The following TRAPPC9 variants were observed in gnomAD, a reference collection of about 807,000 sequenced individuals.
TRAPPC9 encodes the protein trafficking protein particle complex subunit 9.
TRAPPC9 carries 83 observed loss-of-function variants against 124.0 expected under a neutral mutation model. The observed-to-expected ratio is 0.67, with a 90% CI of 0.56 to 0.80. The LOEUF (loss-of-function observed/expected upper bound fraction) is 0.80, where lower values mean the gene tolerates loss of function less well. TRAPPC9 is among the 30% of genes least tolerant of loss of function. The pLI, the probability that TRAPPC9 is intolerant of heterozygous loss-of-function variation, is 0.00. For missense variants in TRAPPC9, 1,302 were observed against 1,508.3 expected (o/e 0.86, Z 2.27); for synonymous variants, 638 against 617.5 (o/e 1.03, Z -0.49).
intron 17 of TRAPPC9, among the ~76,000 whole-genome samples, chr8:140,198,438 AC>A (rs1183681899): frequency 2.6e-5 from 4 of 152,046 alleles, no homozygotes; most frequent in Admixed American, 6.5e-5. Flanking sequence ...AGCTGGTACC[AC>A]CCAGATCGAT....
At chr8:140,368,162 T>C (rs2068176137) in intron 8 of TRAPPC9, among the ~76,000 whole-genome samples, 1 of 152,166 alleles carries the variant, frequency 6.6e-6, no homozygotes, top group African/African-American at 2.4e-5. Flanking sequence ...GTGGAGTTCA[T>C]TTTGAAGCTG....
chr8:139,785,781 C>T lies in TRAPPC9; in HGVS notation c.3056-53579G>A, dbSNP rs534620182. ...CCTTGATCAACTAGACTTAAACATT[C>T]CTGATCTCAAAAGACACTATTAAGA... On this transcript the variant is annotated intron_variant, in intron 21 of 22. Coordinates refer to ENST00000438773, the MANE Select transcript of TRAPPC9 (RefSeq NM_001160372.4). 1.3e-3 allele frequency among the ~76,000 whole-genome samples: 200 copies of T among 151,888 alleles called. 2 individuals are homozygous for T. Among genetic ancestry groups the T allele is most frequent in the Non-Finnish European group, 1.8e-3 (119 of 67,956 alleles).
chr8:139,928,961 C>A (rs1443274686), intron 19 of TRAPPC9, among the ~76,000 whole-genome samples: 1 of 151,956 alleles, frequency 6.6e-6, no homozygotes, highest in African/African-American at 2.4e-5. Flanking sequence ...GCAAGCATCA[C>A]GCCCCTCGAT....
At chr8:140,229,497 C>G (rs1004461796) in intron 16 of TRAPPC9, among the ~76,000 whole-genome samples, 1 of 151,768 alleles carries the variant, frequency 6.6e-6, no homozygotes, top group African/African-American at 2.4e-5. Context: ...AACTCCTGAC[C>G]GACCTCGTGA....
chr8:140,186,625 G>A (rs2062360641), intron 17 of TRAPPC9, among the ~76,000 whole-genome samples: 1 of 151,870 alleles, frequency 6.6e-6, no homozygotes, highest in African/African-American at 2.4e-5. Context: ...TGTAATATAA[G>A]CAATACAATT....
rs901640528 is a variant in TRAPPC9, at chr8:140,405,707, C to T, written c.887-9G>A. On this transcript the variant is annotated splice_polypyrimidine_tract_variant and intron_variant, in intron 5 of 22. Coordinates refer to ENST00000438773, the MANE Select transcript of TRAPPC9 (RefSeq NM_001160372.4). The stretch of plus-strand genomic sequence containing the variant: ...ATTGGTGGTGAGGGCACCTGCAAAC[C>T]AAGAGGAAGAAAAGAAATAATCTTT... 6.2e-7 allele frequency: 1 copy of T among 1,614,012 alleles called. No homozygotes were observed. The highest frequency in any genetic ancestry group is 8.5e-7 in the Non-Finnish European group (1 of 1,179,992).
At chr8:139,746,830 C>T (rs1818927772) in intron 21 of TRAPPC9, among the ~76,000 whole-genome samples, 1 of 152,252 alleles carries the variant, frequency 6.6e-6, no homozygotes, top group Non-Finnish European at 1.5e-5. Flanking sequence ...GCATCCATGG[C>T]AGACAGGCAC....
intron 19 of TRAPPC9, among the ~76,000 whole-genome samples, chr8:139,954,898 T>C (rs2131527530): frequency 6.6e-6 from 1 of 152,338 alleles, no homozygotes; most frequent in South Asian, 2.1e-4. Context: ...CCATATACGT[T>C]CACAATTCTA....
At chr8:139,839,236 CTA>C (rs1826566988) in intron 21 of TRAPPC9, among the ~76,000 whole-genome samples, 1 of 152,258 alleles carries the variant, frequency 6.6e-6, no homozygotes, top group Non-Finnish European at 1.5e-5. Flanking sequence ...ACGCTAGACA[CTA>C]TGCTCAGCAC....
chr8:139,886,534 G>C (rs1830029358), intron 20 of TRAPPC9, among the ~76,000 whole-genome samples: 1 of 152,136 alleles, frequency 6.6e-6, no homozygotes, highest in Non-Finnish European at 1.5e-5. Context: ...AATCTCCCTT[G>C]CGCTAGTATT....
chr8:140,006,589 G>A (rs903709951), intron 18 of TRAPPC9, among the ~76,000 whole-genome samples: 2 of 152,140 alleles, frequency 1.3e-5, no homozygotes, highest in Non-Finnish European at 1.5e-5. Context: ...GCAGAAAAGT[G>A]CAATCAACCC....
intron 17 of TRAPPC9, among the ~76,000 whole-genome samples, chr8:140,196,832 G>C (rs544880245): frequency 4.5e-4 from 69 of 152,134 alleles, no homozygotes; most frequent in Non-Finnish European, 8.8e-4. Context: ...GATCGCACCT[G>C]TGACACTAAA....
At chr8:139,748,233 T>C (rs71514636) in intron 21 of TRAPPC9, among the ~76,000 whole-genome samples, 207 of 38,186 alleles carry the variant, frequency 5.4e-3, no homozygotes, top group Middle Eastern at 0.017. Flanking sequence ...GCAGGGGGTA[T>C]ACACAGCAGG....
In TRAPPC9 at chr8:140,151,398, T is replaced by C. The variant is rs1413528925; in HGVS notation, c.2556+70061A>G. On this transcript the variant is annotated intron_variant, in intron 17 of 22. Coordinates refer to ENST00000438773, the MANE Select transcript of TRAPPC9 (RefSeq NM_001160372.4). Reference sequence around the variant, plus strand: ...GTGATAAAGGCTGCAAACCCAGCAGTGGAAGCAACACAGATTCCTTGCCTT... The same window carrying C: ...GTGATAAAGGCTGCAAACCCAGCAGCGGAAGCAACACAGATTCCTTGCCTT... Among the ~76,000 whole-genome samples, 3 of 152,256 alleles carry C rather than the reference T, an allele frequency of 2.0e-5. No individual in the cohort carries two copies. The East Asian group carries it at 5.8e-4, about 29-fold the overall frequency.
At chr8:140,326,901 A>G (rs1169680470) in intron 9 of TRAPPC9, among the ~76,000 whole-genome samples, 1 of 151,948 alleles carries the variant, frequency 6.6e-6, no homozygotes, top group Non-Finnish European at 1.5e-5. Context: ...AATAAAATGT[A>G]TATTACTTAT....
At chr8:140,440,107 G>C (rs1012384786) in intron 2 of TRAPPC9, among the ~76,000 whole-genome samples, 13 of 152,116 alleles carry the variant, frequency 8.5e-5, no homozygotes, top group Admixed American at 5.2e-4. Flanking sequence ...AGATCACAAC[G>C]TAAGGCAGAC....
intron 18 of TRAPPC9, among the ~76,000 whole-genome samples, chr8:140,010,046 A>G (rs898031739): frequency 2.6e-5 from 4 of 152,356 alleles, no homozygotes; most frequent in Non-Finnish European, 4.4e-5. Context: ...ATTTAAAATG[A>G]CAGACCAAAA....
rs1270878363 is a variant in TRAPPC9 at position 140,197,847 on chromosome 8, G to T, written c.2556+23612C>A. ...AGGTGGTCTTTGGGGCTCAGAAAGA[G>T]CCTTTCCTTGACACTCCCAGGGCAG... On this transcript the variant is annotated intron_variant, in intron 17 of 22. Coordinates refer to ENST00000438773, the MANE Select transcript of TRAPPC9 (RefSeq NM_001160372.4). Among the ~76,000 whole-genome samples the T allele has an allele frequency of 2.0e-5, 3 of 152,224 alleles. No individual in the cohort carries two copies. The East Asian group carries it at 5.8e-4, about 29-fold the overall frequency.
intron 7 of TRAPPC9, among the ~76,000 whole-genome samples, chr8:140,393,238 T>A (rs948509230): frequency 6.6e-6 from 1 of 151,810 alleles, no homozygotes; most frequent in African/African-American, 2.4e-5. Flanking sequence ...CACCCAGCTA[T>A]CATTCCCATT....
Sources: gnomAD v4.1 joint callset for allele counts (sites outside exome capture counted in the v4.1 genomes callset) on GRCh38, gnomAD v4.1.1 for gene constraint, MANE v1.5 for transcripts, NCBI Gene and HGNC (gene_info 2026-07-23, HGNC 2026-07-21) for gene names.